The following AKAP19 variants were observed in gnomAD, a reference collection of about 807,000 sequenced individuals.
AKAP19 encodes the protein A-kinase anchoring protein 19.
chr2:189,891,575 T>C, the AKAP19 span, among the ~76,000 whole-genome samples: 17 of 152,156 alleles, frequency 1.1e-4, no homozygotes, highest in Non-Finnish European at 1.5e-5. Context: ...CTCTTCTGGC[T>C]TGTTAGGGTT....
chr2:190,182,208 C>T, the AKAP19 span, among the ~76,000 whole-genome samples: 3 of 152,116 alleles, frequency 2.0e-5, no homozygotes, highest in Non-Finnish European at 2.9e-5. Flanking sequence ...GTTAGCAAGG[C>T]CTTGTTTACG....
the AKAP19 span, among the ~76,000 whole-genome samples, chr2:190,143,238 C>A: frequency 6.9e-6 from 1 of 144,666 alleles, no homozygotes; most frequent in African/African-American, 2.6e-5. Context: ...TTTTTTAATT[C>A]TCTTGCAACC....
the AKAP19 span, among the ~76,000 whole-genome samples, chr2:189,930,125 A>G: frequency 6.6e-5 from 10 of 152,258 alleles, no homozygotes; most frequent in African/African-American, 2.4e-4. Context: ...CTTTCCCCCA[A>G]CATCTGCAGC....
chr2:190,091,150 G>T, the AKAP19 span, among the ~76,000 whole-genome samples: 2 of 152,136 alleles, frequency 1.3e-5, no homozygotes, highest in Non-Finnish European at 2.9e-5. Context: ...ATATTTCTAA[G>T]AATAGGAAAT....
At chr2:189,964,470 T>C in the AKAP19 span, among the ~76,000 whole-genome samples, 1 of 152,228 alleles carries the variant, frequency 6.6e-6, no homozygotes, top group Non-Finnish European at 1.5e-5. Context: ...TTGAAAGCCT[T>C]GTTTCCAAGC....
the AKAP19 span, among the ~76,000 whole-genome samples, chr2:190,195,677 G>A: frequency 1.3e-5 from 2 of 152,108 alleles, no homozygotes; most frequent in African/African-American, 4.8e-5. Flanking sequence ...TATCAAATAT[G>A]CTTTTGCAAT....
At chr2:189,905,822 G>C in the AKAP19 span, among the ~76,000 whole-genome samples, 1 of 151,988 alleles carries the variant, frequency 6.6e-6, no homozygotes, top group Admixed American at 6.6e-5. Flanking sequence ...CCATGTTAGG[G>C]AAGTCTTTAG....
chr2:190,147,993 T>G, the AKAP19 span, among the ~76,000 whole-genome samples: 1 of 152,214 alleles, frequency 6.6e-6, no homozygotes, highest in Admixed American at 6.5e-5. Context: ...GTGGATGCCC[T>G]TTATTTCTTT....
chr2:190,176,644 G>A, the AKAP19 span, among the ~76,000 whole-genome samples: 11 of 152,136 alleles, frequency 7.2e-5, no homozygotes, highest in African/African-American at 9.7e-5. This position sits in a 1 kb window ranked among gnomAD's most constrained non-coding sequence, Gnocchi z 4.7. Context: ...CACGGCATCC[G>A]GCCAAGACAT....
At chr2:189,948,958 A>G in the AKAP19 span, among the ~76,000 whole-genome samples, 1 of 150,122 alleles carries the variant, frequency 6.7e-6, no homozygotes, top group African/African-American at 2.5e-5. Flanking sequence ...ATGTGGTTTT[A>G]TTTTACATTT....
chr2:189,893,735 A>C, the AKAP19 span, among the ~76,000 whole-genome samples: 1 of 152,312 alleles, frequency 6.6e-6, no homozygotes, highest in South Asian at 2.1e-4. Flanking sequence ...TGGGTTCTGC[A>C]TTCGTAAGTT....
At chr2:189,968,024 G>C in the AKAP19 span, among the ~76,000 whole-genome samples, 4 of 152,206 alleles carry the variant, frequency 2.6e-5, no homozygotes, top group South Asian at 4.1e-4. Context: ...TTTGCACGTT[G>C]TGTGGAATAT....
At chr2:190,151,186 A>C in the AKAP19 span, among the ~76,000 whole-genome samples, 1 of 152,162 alleles carries the variant, frequency 6.6e-6, no homozygotes, top group Non-Finnish European at 1.5e-5. Flanking sequence ...TTGTGTTTAC[A>C]TTTGACTATT....
At chr2:189,882,162 C>T in the AKAP19 span, among the ~76,000 whole-genome samples, 2 of 152,146 alleles carry the variant, frequency 1.3e-5, no homozygotes, top group African/African-American at 4.8e-5. Context: ...TCTAAATTAA[C>T]TGAGACCTGT....
chr2:190,182,004 A>C, the AKAP19 span, among the ~76,000 whole-genome samples: 1 of 152,228 alleles, frequency 6.6e-6, no homozygotes, highest in Non-Finnish European at 1.5e-5. Flanking sequence ...TTTTGCCATT[A>C]AACAAAAATT....
the AKAP19 span, among the ~76,000 whole-genome samples, chr2:190,132,462 C>A: frequency 2.6e-4 from 40 of 152,016 alleles, no homozygotes; most frequent in African/African-American, 8.9e-4. Flanking sequence ...GAATAGAGAG[C>A]CCAGAAATAA....
chr2:189,909,913 T>C, the AKAP19 span, among the ~76,000 whole-genome samples: 3 of 152,052 alleles, frequency 2.0e-5, no homozygotes, highest in Non-Finnish European at 4.4e-5. Context: ...GTGATAATTA[T>C]GTATCAAGGT....
At chr2:190,062,621 TTTCTTG>T in the AKAP19 span, 28 of 1,603,480 alleles carry the variant, frequency 1.7e-5, no homozygotes, top group African/African-American at 2.7e-5. Context: ...TATAATCTTT[TTTCTTG>T]TTCTTGTTTC....
chr2:190,096,862 G>A, the AKAP19 span, among the ~76,000 whole-genome samples: 1 of 152,052 alleles, frequency 6.6e-6, no homozygotes, highest in African/African-American at 2.4e-5. Flanking sequence ...ATCCTCACAT[G>A]GTGGAAGACA....
Sources: gnomAD v4.1 joint callset for allele counts (sites outside exome capture counted in the v4.1 genomes callset) on GRCh38, gnomAD v4.1.1 for gene constraint, Gnocchi (gnomAD v3.1) non-coding constraint, MANE v1.5 for transcripts, NCBI Gene and HGNC (gene_info 2026-07-23, HGNC 2026-07-21) for gene names.